CACNA1D: variants seen among roughly 807,000 people sequenced by gnomAD.
The protein encoded by CACNA1D is calcium voltage-gated channel subunit alpha1 D, also known as voltage-dependent L-type calcium channel subunit alpha-1D.
In CACNA1D, 55 loss-of-function variants were observed where a neutral mutation model predicts 257.1. The ratio of observed to expected loss-of-function variants is 0.21; its 90% CI spans 0.17 to 0.27. The LOEUF (loss-of-function observed/expected upper bound fraction) is 0.27. Among genes scored for constraint, CACNA1D ranks in the 10% least tolerant of loss-of-function variants. The pLI is 1.00. For synonymous variants in CACNA1D, 980 were observed against 1,014.9 expected (o/e 0.97, Z 0.65); for missense variants, 1,876 against 2,784.0 (o/e 0.67, Z 7.34).
At chr3:53,556,264 A>C (rs915200311) in intron 3 of CACNA1D, among the ~76,000 whole-genome samples, 5 of 152,212 alleles carry the variant, frequency 3.3e-5, no homozygotes, top group Non-Finnish European at 7.3e-5. Context: ...ATGAATATAG[A>C]TGTTCACTAG....
At chr3:53,499,543 C>G (rs1174071810) in intron 2 of CACNA1D, among the ~76,000 whole-genome samples, 1 of 152,078 alleles carries the variant, frequency 6.6e-6, no homozygotes, top group East Asian at 1.9e-4. Flanking sequence ...ATCTATTTCT[C>G]TATTGCTCTG....
At chr3:53,740,940 G>T (rs2095111402) in intron 21 of CACNA1D, among the ~76,000 whole-genome samples, 1 of 152,176 alleles carries the variant, frequency 6.6e-6, no homozygotes, top group South Asian at 2.1e-4. Context: ...AATAGGATTT[G>T]CAAGATGACT....
chr3:53,586,917 A>C (rs1312410446), intron 3 of CACNA1D, among the ~76,000 whole-genome samples: 1 of 152,160 alleles, frequency 6.6e-6, no homozygotes, highest in Admixed American at 6.5e-5. Flanking sequence ...ATGTGGGAGA[A>C]ACCTAACCTT....
intron 25 of CACNA1D, among the ~76,000 whole-genome samples, 186 bp from the exon 26 acceptor site, chr3:53,747,116 G>A (rs548547754): frequency 1.3e-5 from 2 of 152,294 alleles, no homozygotes; most frequent in South Asian, 2.1e-4. Context: ...TATTTGAGCC[G>A]CGAAGTAGAT....
chr3:53,731,634 G>A (rs2094993699), intron 17 of CACNA1D, among the ~76,000 whole-genome samples: 1 of 152,206 alleles, frequency 6.6e-6, no homozygotes. Context: ...TGGCTATCAT[G>A]TATCAGACAC....
rs2106766465 is a variant in CACNA1D at position 53,800,227 on chromosome 3, T to C, written c.4924-22T>C. ...AGGGCCCATGTGTGGTCTAACCTGTTCTGCCATTTTCATTGATCTAGGCGG... is the reference window on the plus strand; with the variant it reads ...AGGGCCCATGTGTGGTCTAACCTGTCCTGCCATTTTCATTGATCTAGGCGG... On this transcript the variant is annotated intron_variant, in intron 40 of 47. Transcript: ENST00000350061. The surrounding 1 kb of genome is among the most constrained non-coding windows in gnomAD (Gnocchi z 4.3). The C allele has an allele frequency of 6.5e-7, 1 of 1,547,024 alleles. No homozygotes were observed. The highest frequency in any genetic ancestry group is 1.7e-5 in the Admixed American group (1 of 59,942).
chr3:53,499,047 C>T (rs2090471065), intron 2 of CACNA1D, among the ~76,000 whole-genome samples: 1 of 152,190 alleles, frequency 6.6e-6, no homozygotes, highest in Non-Finnish European at 1.5e-5. Context: ...CTTGACACGA[C>T]TCTGAGTAAG....
chr3:53,650,969 A>AG, intron 4 of CACNA1D, 51 bp downstream of exon 4: 1 of 1,122,674 alleles, frequency 8.9e-7, no homozygotes, highest in Non-Finnish European at 1.3e-6. Flanking sequence ...TGGGAGGTGG[A>AG]GGTTGGGGGG....
intron 3 of CACNA1D, among the ~76,000 whole-genome samples, chr3:53,609,926 G>A (rs1032538097): frequency 1.3e-5 from 2 of 152,062 alleles, no homozygotes; most frequent in African/African-American, 4.8e-5. Flanking sequence ...CCTATGCTCA[G>A]TTTTTTTGGT....
intron 3 of CACNA1D, among the ~76,000 whole-genome samples, chr3:53,624,154 G>A (rs746714932): frequency 6.6e-5 from 10 of 152,186 alleles, no homozygotes; most frequent in East Asian, 1.9e-4. Context: ...AATATCAGGC[G>A]AGCCTTTGAG....
At chr3:53,661,143 G>A (rs2094199960) in intron 5 of CACNA1D, among the ~76,000 whole-genome samples, 2 of 152,336 alleles carry the variant, frequency 1.3e-5, no homozygotes, top group South Asian at 4.1e-4. Context: ...ACTTCCATGG[G>A]TAGAAGTCCT....
chr3:53,720,539 T>C (rs1291469290), intron 11 of CACNA1D, among the ~76,000 whole-genome samples: 1 of 152,202 alleles, frequency 6.6e-6, no homozygotes, highest in Non-Finnish European at 1.5e-5. Context: ...TATATAAAGA[T>C]TAATGCATAA....
chr3:53,767,397 T>G (rs1343080259), intron 30 of CACNA1D, among the ~76,000 whole-genome samples: 4 of 151,966 alleles, frequency 2.6e-5, no homozygotes, highest in Admixed American at 2.6e-4. Flanking sequence ...AAACCTCATC[T>G]CTACTGAAAA....
chr3:53,634,763 A>G (rs1470781151), intron 3 of CACNA1D, among the ~76,000 whole-genome samples: 1 of 152,130 alleles, frequency 6.6e-6, no homozygotes, highest in Non-Finnish European at 1.5e-5. Context: ...CAATTCCAGA[A>G]AGTTGGTACT....
chr3:53,702,331 G>A (rs971958622), intron 8 of CACNA1D, among the ~76,000 whole-genome samples: 3 of 152,226 alleles, frequency 2.0e-5, no homozygotes, highest in Non-Finnish European at 4.4e-5. Context: ...GGGTGTCAGA[G>A]GCCTGCCATG....
intron 29 of CACNA1D, among the ~76,000 whole-genome samples, chr3:53,760,437 T>C (rs1054630788): frequency 3.3e-5 from 5 of 152,266 alleles, no homozygotes; most frequent in Non-Finnish European, 7.3e-5. Context: ...TACCCCGTTG[T>C]AAACAGGCTG....
At chr3:53,743,181 C>A in intron 22 of CACNA1D, 64 bp downstream of exon 22, 1 of 961,578 alleles carries the variant, frequency 1.0e-6, no homozygotes, top group Non-Finnish European at 1.7e-6. Context: ...GGGATTTTAA[C>A]ATAATTGATA....
intron 3 of CACNA1D, among the ~76,000 whole-genome samples, chr3:53,622,160 C>T (rs911213561): frequency 6.6e-6 from 1 of 152,102 alleles, no homozygotes; most frequent in Admixed American, 6.5e-5. Flanking sequence ...AGGTGAATCT[C>T]CTGCCTCAGC....
At chr3:53,628,993 A>G (rs983360730) in intron 3 of CACNA1D, among the ~76,000 whole-genome samples, 2 of 152,238 alleles carry the variant, frequency 1.3e-5, no homozygotes, top group Non-Finnish European at 2.9e-5. Flanking sequence ...CTACAGGTCT[A>G]GGGCAGGGGT....
Sources: allele counts gnomAD v4.1 joint callset (sites outside exome capture counted in the v4.1 genomes callset), GRCh38; gene constraint gnomAD v4.1.1; non-coding constraint Gnocchi (gnomAD v3.1); transcripts MANE v1.5; gene names NCBI Gene and HGNC (gene_info 2026-07-23, HGNC 2026-07-21).